ARHGAP27: variants seen among roughly 807,000 people sequenced by gnomAD.
ARHGAP27 encodes rho GTPase-activating protein 27.
ARHGAP27 carries 53 observed loss-of-function variants against 102.0 expected under a neutral mutation model. That is an observed-to-expected ratio of 0.52 (90% CI 0.42 to 0.65). The LOEUF is 0.65. Ranked by LOEUF, ARHGAP27 falls within the 30% of genes least tolerant of loss-of-function variation. The pLI is 0.00. For missense variants in ARHGAP27, 1,117 were observed against 1,256.2 expected (o/e 0.89, Z 1.68); for synonymous variants, 525 against 542.8 (o/e 0.97, Z 0.46).
chr17:45,402,855 G>GT (rs1385996144), intron 11 of ARHGAP27, 37 bp from the exon 12 acceptor site: 1 of 1,532,062 alleles, frequency 6.5e-7, no homozygotes, highest in East Asian at 2.3e-5. Flanking sequence ...GGAGCCCTCA[G>GT]TTCAGATGTG....
rs773162056 is a variant in ARHGAP27 at position 45,429,632 on chromosome 17, G to T, written c.648C>A (p.Ser216Arg). The change falls in exon 4 of 20, where the codon AGC (serine) becomes AGA (arginine). Residue 216 changes from serine to arginine, a missense_variant. Around this residue, in one of 3 missense-constraint regions of ARHGAP27, gnomAD observed 610 missense variants for 716.4 expected, o/e 0.85. Transcript: ENST00000685559. ...QDLHVPPPEE[S>R]AEQVDDPPEP... Reference sequence around the variant, plus strand: ...GCGCCCGGGGAGGTACCTGCTCTGCGCTCTCCTCCGGCGGCGGGACGTGCA... The same window carrying T: ...GCGCCCGGGGAGGTACCTGCTCTGCTCTCTCCTCCGGCGGCGGGACGTGCA... 1.9e-6 allele frequency: 3 copies of T among 1,582,238 alleles called. No individual in the cohort carries two copies. Among genetic ancestry groups the T allele is most frequent in the Non-Finnish European group, 2.6e-6 (3 of 1,164,094 alleles).
Position 45,395,375 on chromosome 17 carries a change from G to GAAGA in ARHGAP27, c.*77_*80dup. The GAAGA allele has an allele frequency of 1.4e-6, 2 of 1,469,992 alleles. No individual in the cohort carries two copies. The highest frequency in any genetic ancestry group is 1.8e-6 in the Non-Finnish European group (2 of 1,098,000). The allele number at this position is 1,469,992 out of a possible 1,614,324, so 91.1% of individuals were successfully genotyped here. ...ATGCGCTGGCGGAGGGTCCCAGAGAGAAGAAGGCCCGGCTGCGTGGCCTCC... is the reference window on the plus strand; with the variant it reads ...ATGCGCTGGCGGAGGGTCCCAGAGAGAAGAAAGAAGGCCCGGCTGCGTGGCCTCC... On this transcript the variant is annotated 3_prime_UTR_variant, in exon 20 of 20. Coordinates refer to ENST00000685559, the MANE Select transcript of ARHGAP27 (RefSeq NM_001282290.2).
intron 4 of ARHGAP27, chr17:45,410,299 C>A: frequency 6.6e-7 from 1 of 1,524,246 alleles, no homozygotes; most frequent in African/African-American, 1.4e-5. Flanking sequence ...CCTGGCCCCT[C>A]TGAACTGCCG....
Position 45,403,636 on chromosome 17 carries a change from A to C in ARHGAP27, c.1621T>G (p.Ser541Ala). 6.2e-7 allele frequency: 1 copy of C among 1,613,904 alleles called. No homozygotes were observed. The highest frequency in any genetic ancestry group is 8.5e-7 in the Non-Finnish European group (1 of 1,179,972). ...GGCCTTACCAGGCCGCCTGCAGCCGAGGTCTTTGAGTCCTTGAAGAATGTC... is the reference window on the plus strand; with the variant it reads ...GGCCTTACCAGGCCGCCTGCAGCCGCGGTCTTTGAGTCCTTGAAGAATGTC... ...VLTFFKDSKT[S>A]AAGGLRQPSK... The change falls in exon 11 of 20, where the codon TCG becomes GCG. Residue 541 changes from serine (S) to alanine (A), a missense_variant. By Grantham distance (99) the Ser-to-Ala change is moderately conservative. Coordinates refer to ENST00000685559, the MANE Select transcript of ARHGAP27 (RefSeq NM_001282290.2).
At chr17:45,432,018 C>G (rs2050092041) in intron 2 of ARHGAP27, among the ~76,000 whole-genome samples, 198 bp downstream of exon 2, 1 of 147,212 alleles carries the variant, frequency 6.8e-6, no homozygotes, top group African/African-American at 2.5e-5. Flanking sequence ...GCCCCCCCAC[C>G]CCCCACCCCC....
intron 4 of ARHGAP27, chr17:45,409,723 CT>C (rs2144667138): frequency 6.3e-6 from 1 of 158,074 alleles, no homozygotes; most frequent in South Asian, 1.7e-4. Context: ...TAACCAGCTC[CT>C]GGGGCCAGGT....
At chr17:45,424,287 T>A (rs2049330819) in intron 4 of ARHGAP27, among the ~76,000 whole-genome samples, 1 of 152,228 alleles carries the variant, frequency 6.6e-6, no homozygotes, top group Non-Finnish European at 1.5e-5. Flanking sequence ...TCCCAAATTT[T>A]AGCAAGAGCA....
In ARHGAP27 at chr17:45,405,009, G is replaced by C. The variant is rs2046960382; in HGVS notation, c.1163C>G (p.Ser388Cys). Residue 388 changes from serine to cysteine, a missense_variant, in exon 6 of 20, where the codon TCT (serine) becomes TGT (cysteine). This residue lies in a region of ARHGAP27 where 610 missense variants were observed against 716.4 expected (regional missense o/e 0.85). Coordinates refer to ENST00000685559, the MANE Select transcript of ARHGAP27 (RefSeq NM_001282290.2). The part of the protein sequence containing the change: ...VGSFGEPGPT[S>C]PLTTPPGWSC... ...CCAGCCGGGGGGTGTGGTCAAGGGA[G>C]AGGTAGGGCCGGGCTCACCGAAAGA... 6.2e-6 allele frequency: 10 copies of C among 1,614,064 alleles called. No individual in the cohort carries two copies. The highest frequency in any genetic ancestry group is 8.5e-6 in the Non-Finnish European group (10 of 1,179,972).
At chr17:45,405,229 G>T in intron 5 of ARHGAP27, 123 bp from the exon 6 acceptor site, 1 of 1,101,118 alleles carries the variant, frequency 9.1e-7, no homozygotes. Flanking sequence ...GCAGGAGGCG[G>T]GGTCAGAAGC....
chr17:45,417,870 G>A (rs921805486), intron 4 of ARHGAP27, among the ~76,000 whole-genome samples: 2 of 151,860 alleles, frequency 1.3e-5, no homozygotes, highest in Non-Finnish European at 2.9e-5. Flanking sequence ...TGGCTAACAC[G>A]GTGAAACCCC....
chr17:45,395,601 G>T lies in ARHGAP27; in HGVS notation c.2525C>A (p.Ser842Ter). The T allele has an allele frequency of 6.2e-7, 1 of 1,607,582 alleles. No individual in the cohort carries two copies. The highest frequency in any genetic ancestry group is 8.5e-7 in the Non-Finnish European group (1 of 1,177,356). Reference protein sequence around the residue: ...VIEHGEQNRMSVQSVAIVFGP... With the variant: ...VIEHGEQNRM ...GAACACAATGGCCACGCTCTGCACC[G>T]ACATGCGGTTCTGCTCGCCGTGCTC... The change falls in exon 20 of 20, where the codon TCG becomes TAG. Residue 842 changes from serine (S) to a stop codon, truncating the protein, a stop_gained. Transcript: ENST00000685559. LOFTEE classifies it high-confidence loss of function.
In ARHGAP27 at chr17:45,396,785, G is replaced by A. The variant is rs755353135; in HGVS notation, c.1957C>T (p.Pro653Ser). The stretch of plus-strand genomic sequence containing the variant: ...TCCAGGCCCACGGGGCCCAGGGCGG[G>A]CGCGGCTGCCGCGGGGAAAGGCAGG... ...EEDARPNAAA[P>S]ALGPVGLESD... The change falls in exon 15 of 20, where the codon CCC becomes TCC. Residue 653 changes from proline (P) to serine (S), a missense_variant. Transcript: ENST00000685559. The A allele has an allele frequency of 6.2e-7, 1 of 1,611,264 alleles. No individual in the cohort carries two copies. Among genetic ancestry groups the A allele is most frequent in the Non-Finnish European group, 8.5e-7 (1 of 1,178,682 alleles).
chr17:45,418,036 C>CAA (rs781066887), intron 4 of ARHGAP27, among the ~76,000 whole-genome samples: 2 of 83,130 alleles, frequency 2.4e-5, no homozygotes, highest in East Asian at 3.7e-4. Flanking sequence ...GACTCTGTCT[C>CAA]AAAAAAAAAA....
intron 4 of ARHGAP27, among the ~76,000 whole-genome samples, chr17:45,422,098 G>A (rs1394980527): frequency 1.3e-5 from 2 of 152,188 alleles, no homozygotes; most frequent in Admixed American, 6.5e-5. Context: ...TCTGGCAGGC[G>A]GAGGTTGCAG....
chr17:45,396,982 C>T lies in ARHGAP27; in HGVS notation c.1885G>A (p.Asp629Asn), dbSNP rs1334262854. ...PPEESESSRV[D>N]FGSSERLGSW... Reference sequence around the variant, plus strand: ...CCCAAGCGCTCGCTCGACCCGAAGTCCACTCTGCTGCTCTCGCTCTCCTCT... The same window carrying T: ...CCCAAGCGCTCGCTCGACCCGAAGTTCACTCTGCTGCTCTCGCTCTCCTCT... Residue 629 changes from aspartate to asparagine, a missense_variant, in exon 14 of 20, where the codon GAC becomes AAC. Transcript: ENST00000685559. The T allele has an allele frequency of 6.2e-7, 1 of 1,605,204 alleles. No individual in the cohort carries two copies. Among genetic ancestry groups the T allele is most frequent in the South Asian group, 1.1e-5 (1 of 91,092 alleles).
Position 45,395,428 on chromosome 17 carries a change from G to A in ARHGAP27, c.*28C>T, listed in dbSNP as rs778595065. On this transcript the variant is annotated 3_prime_UTR_variant, in exon 20 of 20. Transcript: ENST00000685559. The stretch of plus-strand genomic sequence containing the variant: ...CGCCCAGCTTGTGTGGCAGGACCGC[G>A]GCCGCCGCCCCAGTCACAGGCCAGC... 8 of 1,538,076 alleles carry A rather than the reference G, an allele frequency of 5.2e-6. No homozygotes were observed. The highest frequency in any genetic ancestry group is 1.2e-5 in the South Asian group (1 of 82,646).
chr17:45,399,591 C>CAAAGAAAAGAAAAAAGAAAAGAAAAGA (rs2046178000), intron 12 of ARHGAP27, among the ~76,000 whole-genome samples: 1 of 141,128 alleles, frequency 7.1e-6, no homozygotes, highest in Non-Finnish European at 1.5e-5. Flanking sequence ...CACTCTGTCT[C>CAAAGAAAAGAAAAAAGAAAAGAAAAGA]AAAGAAAAGA....
In ARHGAP27 at chr17:45,430,103, C is replaced by A; in HGVS notation, c.177G>T (p.Leu59=). The A allele has an allele frequency of 6.6e-7, 1 of 1,513,034 alleles. No individual in the cohort carries two copies. Among genetic ancestry groups the A allele is most frequent in the Non-Finnish European group, 8.8e-7 (1 of 1,137,978 alleles). The allele number at this position is 1,513,034 out of a possible 1,614,324, so 93.7% of individuals were successfully genotyped here. A position where few individuals can be genotyped will look rare whatever the true frequency, so the allele number is the denominator to read the frequency against. Reference sequence around the variant, plus strand: ...GCAGCTCGCGCACGTACTGCGCAGGCAGGTAGAAGGGGCGGCCGCCGGGCT... The same window carrying A: ...GCAGCTCGCGCACGTACTGCGCAGGAAGGTAGAAGGGGCGGCCGCCGGGCT... The part of the protein sequence containing the change: ...RREPGGRPFY[L]PAQYVRELPA... The change falls in exon 4 of 20, where the codon CTG becomes CTT. Residue 59 remains leucine, a synonymous_variant. Transcript: ENST00000685559. The surrounding 1 kb of genome is among the most constrained non-coding windows in gnomAD (Gnocchi z 4.4).
In ARHGAP27 at chr17:45,430,028, G is replaced by T; in HGVS notation, c.252C>A (p.Ser84Arg). The change falls in exon 4 of 20, where the codon AGC becomes AGA. Residue 84 changes from serine to arginine, a missense_variant. Around this residue, in one of 3 missense-constraint regions of ARHGAP27, gnomAD observed 610 missense variants for 716.4 expected, o/e 0.85. Coordinates refer to ENST00000685559, the MANE Select transcript of ARHGAP27 (RefSeq NM_001282290.2). The surrounding 1 kb of genome is among the most constrained non-coding windows in gnomAD (Gnocchi z 4.4). ...AGGCGAGCGGCTCAGGGGCCGCGGGGCTCGGGTGGGGACCTGGCGGCGCGG... is the reference window on the plus strand; with the variant it reads ...AGGCGAGCGGCTCAGGGGCCGCGGGTCTCGGGTGGGGACCTGGCGGCGCGG... The part of the protein sequence containing the change: ...AAAAPPGPHP[S>R]PAAPEPLAYD... The T allele has an allele frequency of 8.1e-7, 1 of 1,229,568 alleles. No homozygotes were observed. The highest frequency in any genetic ancestry group is 2.7e-5 in the South Asian group (1 of 37,202). The allele number at this position is 1,229,568 out of a possible 1,614,324, so 76.2% of individuals were successfully genotyped here.
Sources: gnomAD v4.1 joint callset for allele counts (sites outside exome capture counted in the v4.1 genomes callset) on GRCh38, gnomAD v4.1.1 for gene constraint, gnomAD v4.1.1 regional missense constraint, Gnocchi (gnomAD v3.1) non-coding constraint, MANE v1.5 for transcripts, NCBI Gene and HGNC (gene_info 2026-07-23, HGNC 2026-07-21) for gene names.